HCRTR2: variants seen among roughly 807,000 people sequenced by gnomAD.
HCRTR2 encodes hypocretin receptor 2.
In HCRTR2, 22 loss-of-function variants were observed where a neutral mutation model predicts 49.0. That is an observed-to-expected ratio of 0.45 (90% CI 0.32 to 0.64). The LOEUF (loss-of-function observed/expected upper bound fraction) is 0.64. HCRTR2 is among the 30% of genes least tolerant of loss of function. The pLI is 0.04. For synonymous variants in HCRTR2, 236 were observed against 205.3 expected (o/e 1.15, Z -1.28); for missense variants, 491 against 559.4 (o/e 0.88, Z 1.23).
chr6:55,180,329 G>T (rs920344415), intron 1 of HCRTR2, among the ~76,000 whole-genome samples: 1 of 152,208 alleles, frequency 6.6e-6, no homozygotes. Flanking sequence ...TCTTTCCTTA[G>T]CTTCTAACCC....
intron 1 of HCRTR2, among the ~76,000 whole-genome samples, chr6:55,156,560 C>T (rs1764732233): frequency 6.6e-6 from 1 of 151,556 alleles, no homozygotes; most frequent in South Asian, 2.1e-4. Context: ...CTCTCTCTTT[C>T]TCTCTCTCTG....
chr6:55,110,275 T>C (rs1486779010), intron 1 of HCRTR2, among the ~76,000 whole-genome samples: 1 of 152,040 alleles, frequency 6.6e-6, no homozygotes, highest in Admixed American at 6.6e-5. Context: ...TCTTAGAGCA[T>C]CAACCTCACA....
intron 1 of HCRTR2, among the ~76,000 whole-genome samples, chr6:55,151,783 A>G (rs1430288960): frequency 6.6e-6 from 1 of 151,740 alleles, no homozygotes; most frequent in Non-Finnish European, 1.5e-5. Flanking sequence ...GTCTTACAAA[A>G]TTTATTTCTT....
intron 1 of HCRTR2, among the ~76,000 whole-genome samples, chr6:55,227,877 AG>A (rs1290173556): frequency 6.6e-6 from 1 of 152,230 alleles, no homozygotes; most frequent in African/African-American, 2.4e-5. Flanking sequence ...CTAGTAACAT[AG>A]GAAGAGAAAT....
intron 1 of HCRTR2, among the ~76,000 whole-genome samples, chr6:55,194,862 G>C (rs1249354879): frequency 6.8e-6 from 1 of 147,984 alleles, no homozygotes; most frequent in Non-Finnish European, 1.5e-5. Context: ...AAGAGATGTT[G>C]GCCTCTTGTA....
At chr6:55,152,754 A>G (rs755690054) in intron 1 of HCRTR2, among the ~76,000 whole-genome samples, 13 of 152,008 alleles carry the variant, frequency 8.6e-5, no homozygotes, top group Non-Finnish European at 1.6e-4. Context: ...CAAAGGCCTC[A>G]CTTTCTAGTA....
chr6:55,112,256 C>A (rs1293658048), intron 1 of HCRTR2, among the ~76,000 whole-genome samples: 2 of 151,866 alleles, frequency 1.3e-5, no homozygotes, highest in African/African-American at 4.8e-5. Flanking sequence ...CCAACTTTCA[C>A]CACTTCTATT....
chr6:55,150,039 C>A (rs939064016), intron 1 of HCRTR2, among the ~76,000 whole-genome samples: 4 of 151,918 alleles, frequency 2.6e-5, no homozygotes, highest in African/African-American at 9.7e-5. Flanking sequence ...CATGATGTCA[C>A]CTTCAGGTCA....
intron 4 of HCRTR2, among the ~76,000 whole-genome samples, chr6:55,271,082 A>G (rs1202271535): frequency 6.6e-6 from 1 of 152,144 alleles, no homozygotes; most frequent in Non-Finnish European, 1.5e-5. Context: ...AATGCAAGGG[A>G]TAGAGAAGAG....
intron 3 of HCRTR2, among the ~76,000 whole-genome samples, chr6:55,262,442 AT>A (rs1182358216): frequency 3.0e-5 from 4 of 132,946 alleles, no homozygotes; most frequent in Non-Finnish European, 4.6e-5. Context: ...ATAAATATCT[AT>A]TAATATATAT....
intron 1 of HCRTR2, among the ~76,000 whole-genome samples, chr6:55,158,703 GT>G (rs1764763717): frequency 6.6e-6 from 1 of 152,194 alleles, no homozygotes; most frequent in African/African-American, 2.4e-5. Flanking sequence ...GTTAAAGTAG[GT>G]GGAGCCCACG....
At chr6:55,159,378 G>A (rs1764774631) in intron 1 of HCRTR2, among the ~76,000 whole-genome samples, 1 of 151,962 alleles carries the variant, frequency 6.6e-6, no homozygotes, top group South Asian at 2.1e-4. Flanking sequence ...CACAAAGATG[G>A]GGAAAAACCA....
At chr6:55,231,367 A>G (rs2127300048) in intron 1 of HCRTR2, among the ~76,000 whole-genome samples, 1 of 152,312 alleles carries the variant, frequency 6.6e-6, no homozygotes, top group South Asian at 2.1e-4. Flanking sequence ...AGAAGTAAGA[A>G]TGAAATATCC....
intron 1 of HCRTR2, among the ~76,000 whole-genome samples, chr6:55,197,952 C>CTGTAAACCTAGCTGTAACTCTAAT (rs1443074969): frequency 6.6e-6 from 1 of 152,144 alleles, no homozygotes. Context: ...CTAACACTAA[C>CTGTAAACCTAGCTGTAACTCTAAT]TGTAAACCTA....
intron 5 of HCRTR2, among the ~76,000 whole-genome samples, chr6:55,279,696 A>AT (rs978121315): frequency 6.6e-6 from 1 of 152,078 alleles, no homozygotes; most frequent in Non-Finnish European, 1.5e-5. Flanking sequence ...TATGGAGAAA[A>AT]TTTTTTAATA....
chr6:55,190,195 T>C (rs1438738242), intron 1 of HCRTR2, among the ~76,000 whole-genome samples: 1 of 152,250 alleles, frequency 6.6e-6, no homozygotes, highest in Non-Finnish European at 1.5e-5. Flanking sequence ...ATATTTATTG[T>C]GTGCCTATTG....
At chr6:55,179,405 A>G (rs1228692456) in intron 1 of HCRTR2, among the ~76,000 whole-genome samples, 2 of 152,194 alleles carry the variant, frequency 1.3e-5, no homozygotes, top group African/African-American at 4.8e-5. Context: ...TAAAATGCAA[A>G]CATGCTAATC....
chr6:55,156,904 C>A (rs1764739119), intron 1 of HCRTR2, among the ~76,000 whole-genome samples: 1 of 152,100 alleles, frequency 6.6e-6, no homozygotes, highest in Non-Finnish European at 1.5e-5. Flanking sequence ...CAAAGAACAT[C>A]TACAACGAAA....
At chr6:55,269,071 C>T (rs1766919347) in intron 4 of HCRTR2, among the ~76,000 whole-genome samples, 1 of 113,974 alleles carries the variant, frequency 8.8e-6, no homozygotes, top group Non-Finnish European at 1.7e-5. Context: ...GCCTGGGCAA[C>T]AGCAAGACTC....
Sources: allele counts gnomAD v4.1 joint callset (sites outside exome capture counted in the v4.1 genomes callset), GRCh38; gene constraint gnomAD v4.1.1; transcripts MANE v1.5; gene names NCBI Gene and HGNC (gene_info 2026-07-23, HGNC 2026-07-21).